Variants in BAIAP3 observed in about 807,000 individuals in gnomAD.
BAIAP3 encodes BAI1-associated protein 3.
BAIAP3 carries 180 observed loss-of-function variants against 149.7 expected under a neutral mutation model. That is an observed-to-expected ratio of 1.20 (90% CI 1.07 to 1.36). BAIAP3 has a LOEUF of 1.36. Among genes scored for constraint, BAIAP3 ranks in the 40% most tolerant of loss-of-function variants. BAIAP3 has a pLI of 0.00. For missense variants in BAIAP3, 1,767 were observed against 1,563.4 expected, an observed-to-expected ratio of 1.13 and a Z score of -2.20; for synonymous variants, 845 against 670.7, an observed-to-expected ratio of 1.26 and a Z score of -4.02.
Position 1,348,830 on chromosome 16 carries a change from C to A in BAIAP3, c.*348C>A. 1 of 420,804 alleles carries A rather than the reference C, an allele frequency of 2.4e-6. No homozygotes were observed. The highest frequency in any genetic ancestry group is 4.4e-6 in the Non-Finnish European group (1 of 228,268). The allele number at this position is 420,804 out of a possible 1,614,324, so 26.1% of individuals were successfully genotyped here. ...GGGTGGGCGGTGGGCAGCTGGTCTC[C>A]AGGGACTCAGTGAGTGGCTGTGCTC... On this transcript the variant is annotated 3_prime_UTR_variant, in exon 34 of 34. Coordinates refer to ENST00000426824, the MANE Select transcript of BAIAP3 (RefSeq NM_001199097.2).
In BAIAP3 at chr16:1,346,362, G is replaced by C; in HGVS notation, c.2493+1G>C. On this transcript the variant is annotated splice_donor_variant, in intron 25 of 33. Coordinates refer to ENST00000426824, the MANE Select transcript of BAIAP3 (RefSeq NM_001199097.2). LOFTEE classifies it high-confidence loss of function. ...GGTGACAGCGCACCTGACCTCTAAG[G>C]TGGGTGGGGCCTGGAGACCAAGGCG... The C allele has an allele frequency of 6.2e-7, 1 of 1,609,586 alleles. No homozygotes were observed. Among genetic ancestry groups the C allele is most frequent in the Non-Finnish European group, 8.5e-7 (1 of 1,177,378 alleles).
intron 32 of BAIAP3, 34 bp downstream of exon 32, chr16:1,348,051 CT>C (rs2034506832): frequency 6.4e-7 from 1 of 1,566,272 alleles, no homozygotes; most frequent in African/African-American, 1.6e-5. Flanking sequence ...CAGCCCCAGG[CT>C]CCAGGCTGCC....
At chr16:1,338,166 G>A (rs370824357) in intron 1 of BAIAP3, among the ~76,000 whole-genome samples, 22 of 152,246 alleles carry the variant, frequency 1.4e-4, no homozygotes, top group East Asian at 5.8e-4. Context: ...GGAAACAGGC[G>A]CCTCCTGCTG....
At position 1,344,468 on chromosome 16, in the gene BAIAP3, G is replaced by C; in HGVS notation, c.1603-1G>C. 1 of 1,613,490 alleles carries C rather than the reference G, an allele frequency of 6.2e-7. No individual in the cohort carries two copies. The highest frequency in any genetic ancestry group is 8.5e-7 in the Non-Finnish European group (1 of 1,179,998). ...TGCTGTCTTGGTGGTGTCTGTTGCA[G>C]AGAGGCAACCGTGAGTGGTACGACA... On this transcript the variant is annotated splice_acceptor_variant, in intron 17 of 33. Transcript: ENST00000426824. LOFTEE classifies it high-confidence loss of function.
At chr16:1,334,859 A>C (rs2033357090) in intron 1 of BAIAP3, 1 of 1,166,992 alleles carries the variant, frequency 8.6e-7, no homozygotes, top group Non-Finnish European at 1.2e-6. Context: ...GAAGACCAAG[A>C]GGGCAGCGTG....
Position 1,348,845 on chromosome 16 carries a change from T to C in BAIAP3, c.*363T>C. 1 of 395,860 alleles carries C rather than the reference T, an allele frequency of 2.5e-6. No homozygotes were observed. The highest frequency in any genetic ancestry group is 5.1e-5 in the East Asian group (1 of 19,740). The allele number at this position is 395,860 out of a possible 1,614,324, so 24.5% of individuals were successfully genotyped here. ...AGCTGGTCTCCAGGGACTCAGTGAGTGGCTGTGCTCTCTGCACAACGGGCA... is the reference window on the plus strand; with the variant it reads ...AGCTGGTCTCCAGGGACTCAGTGAGCGGCTGTGCTCTCTGCACAACGGGCA... On this transcript the variant is annotated 3_prime_UTR_variant, in exon 34 of 34. Coordinates refer to ENST00000426824, the MANE Select transcript of BAIAP3 (RefSeq NM_001199097.2).
intron 4 of BAIAP3, 95 bp downstream of exon 4, chr16:1,339,339 G>A (rs2033693582): frequency 7.3e-6 from 11 of 1,516,222 alleles, no homozygotes; most frequent in Non-Finnish European, 8.9e-6. Context: ...GTCTGGTGAT[G>A]GCAGAGAGCC....
rs532335916 is a variant in BAIAP3 at position 1,348,622 on chromosome 16, G to A, written c.*140G>A. The A allele has an allele frequency of 4.9e-4, 408 of 833,948 alleles. 2 individuals carry two copies. In the East Asian group the frequency reaches 9.2e-3, roughly 19 times the overall value. 51.7% of individuals were successfully genotyped at this position (833,948 alleles called of 1,614,324 possible). Reference sequence around the variant, plus strand: ...TGACGTGTGTGTCGTGGCTGGCCCCGCGGCGCCTACCGCCCTGGCCGTGTC... The same window carrying A: ...TGACGTGTGTGTCGTGGCTGGCCCCACGGCGCCTACCGCCCTGGCCGTGTC... On this transcript the variant is annotated 3_prime_UTR_variant, in exon 34 of 34. Coordinates refer to ENST00000426824, the MANE Select transcript of BAIAP3 (RefSeq NM_001199097.2).
chr16:1,335,284 G>A (rs780056386), intron 1 of BAIAP3, among the ~76,000 whole-genome samples: 1 of 152,248 alleles, frequency 6.6e-6, no homozygotes, highest in African/African-American at 2.4e-5. Flanking sequence ...CAGCCCCAGT[G>A]CCACAAGGCA....
intron 1 of BAIAP3, among the ~76,000 whole-genome samples, chr16:1,334,096 C>G (rs1198113492): frequency 6.6e-6 from 1 of 151,980 alleles, no homozygotes; most frequent in Admixed American, 6.5e-5. Flanking sequence ...GGCTTCGACC[C>G]CCGCGCCTCC....
intron 1 of BAIAP3, chr16:1,336,301 G>T (rs749272119): frequency 1.8e-5 from 18 of 985,424 alleles, no homozygotes; most frequent in Non-Finnish European, 2.2e-5. Context: ...ACTGGCTGTG[G>T]GGGTGACAGC....
At chr16:1,337,946 G>T (rs946725825) in intron 1 of BAIAP3, among the ~76,000 whole-genome samples, 1 of 152,220 alleles carries the variant, frequency 6.6e-6, no homozygotes, top group African/African-American at 2.4e-5. Flanking sequence ...CCCCCGCTGT[G>T]CTTGGTGAGC....
rs1373876688 is a variant in BAIAP3, at chr16:1,345,449, C to G, written c.2064+77C>G. ...TCCCCCGCCTCCCCAGCAACCCCAGCCTCCCCAGCAACCCCCAGCCTCCTC... is the reference window on the plus strand; with the variant it reads ...TCCCCCGCCTCCCCAGCAACCCCAGGCTCCCCAGCAACCCCCAGCCTCCTC... On this transcript the variant is annotated intron_variant, in intron 22 of 33. Coordinates refer to ENST00000426824, the MANE Select transcript of BAIAP3 (RefSeq NM_001199097.2). The G allele has an allele frequency of 9.7e-6, 14 of 1,446,884 alleles. No homozygotes were observed. In the African/African-American group the frequency reaches 1.2e-4, roughly 12 times the overall value. The allele number at this position is 1,446,884 out of a possible 1,614,324, so 89.6% of individuals were successfully genotyped here. A position where few individuals can be genotyped will look rare whatever the true frequency, so the allele number is the denominator to read the frequency against.
At chr16:1,344,385 C>T in intron 17 of BAIAP3, 68 bp downstream of exon 17, 1 of 1,610,132 alleles carries the variant, frequency 6.2e-7, no homozygotes, top group South Asian at 1.1e-5. Flanking sequence ...CTTCCCGTCC[C>T]CTGCACCTCT....
At chr16:1,334,771 A>G in intron 1 of BAIAP3, 1 of 1,546,660 alleles carries the variant, frequency 6.5e-7, no homozygotes, top group Non-Finnish European at 8.7e-7. Context: ...GACCAGGGAG[A>G]GATTCCTGCG....
chr16:1,341,558 G>T, intron 8 of BAIAP3, 69 bp downstream of exon 8: 1 of 1,531,604 alleles, frequency 6.5e-7, no homozygotes. Flanking sequence ...GCTGTGCCTG[G>T]AGGGTGGTGG....
Position 1,348,654 on chromosome 16 carries a change from G to T in BAIAP3, c.*172G>T, listed in dbSNP as rs559362719. On this transcript the variant is annotated 3_prime_UTR_variant, in exon 34 of 34. Transcript: ENST00000426824. ...CTACCGCCCTGGCCGTGTCTGTCTGGTGTGTGCTGTGAACCCCTGCACCCA... is the reference window on the plus strand; with the variant it reads ...CTACCGCCCTGGCCGTGTCTGTCTGTTGTGTGCTGTGAACCCCTGCACCCA... 1.0e-5 allele frequency: 7 copies of T among 673,588 alleles called. No homozygotes were observed. The highest frequency in any genetic ancestry group is 1.8e-5 in the African/African-American group (1 of 55,592). The allele number at this position is 673,588 out of a possible 1,614,324, so 41.7% of individuals were successfully genotyped here.
At position 1,339,079 on chromosome 16, in the gene BAIAP3, C is replaced by T. The variant is rs768457952; in HGVS notation, c.220-85C>T. 1.9e-6 allele frequency: 3 copies of T among 1,596,242 alleles called. No individual in the cohort carries two copies. The East Asian group carries it at 6.8e-5, about 36-fold the overall frequency. On this transcript the variant is annotated intron_variant, in intron 3 of 33. Transcript: ENST00000426824. ...CCGCTCCCTCCTGCCCTCGCTCCCA[C>T]CTCCTGGGGCACCACCTGTCTTCCC...
Position 1,335,628 on chromosome 16 carries a change from C to A in BAIAP3, c.-11+1879C>A, listed in dbSNP as rs2033401937. 2.0e-5 allele frequency among the ~76,000 whole-genome samples: 3 copies of A among 152,196 alleles called. No individual in the cohort carries two copies. The South Asian group carries it at 6.2e-4, about 32-fold the overall frequency. On this transcript the variant is annotated intron_variant, in intron 1 of 33. Transcript: ENST00000426824. ...CCAGGGCCCACGCAGTTGGCTGCAGCCAGGCTATCAGCTGCCCAGGAAGCC... is the reference window on the plus strand; with the variant it reads ...CCAGGGCCCACGCAGTTGGCTGCAGACAGGCTATCAGCTGCCCAGGAAGCC...
Sources: gnomAD v4.1 joint callset for allele counts (sites outside exome capture counted in the v4.1 genomes callset) on GRCh38, gnomAD v4.1.1 for gene constraint, MANE v1.5 for transcripts, NCBI Gene and HGNC (gene_info 2026-07-23, HGNC 2026-07-21) for gene names.